LOXL2: variants seen among roughly 807,000 people sequenced by gnomAD.
LOXL2 encodes lysyl oxidase like 2.
A neutral mutation model predicts 93.0 loss-of-function variants in LOXL2; 70 were observed. The observed-to-expected ratio is 0.75, with a 90% confidence interval of 0.62 to 0.92. The LOEUF (loss-of-function observed/expected upper bound fraction) is 0.92, where lower values mean the gene tolerates loss of function less well. Among genes scored for constraint, LOXL2 ranks in the 40% least tolerant of loss-of-function variants. The pLI, the probability that LOXL2 is intolerant of heterozygous loss-of-function variation, is 0.00. For missense variants in LOXL2, 973 were observed against 1,054.9 expected, an observed-to-expected ratio of 0.92 and a Z score of 1.08; for synonymous variants, 438 against 413.2, an observed-to-expected ratio of 1.06 and a Z score of -0.73.
At chr8:23,345,067 A>C (rs570389994) in intron 3 of LOXL2, among the ~76,000 whole-genome samples, 2 of 152,190 alleles carry the variant, frequency 1.3e-5, no homozygotes, top group Non-Finnish European at 2.9e-5. Flanking sequence ...AAAACTTTAC[A>C]TCCACTCCAT....
chr8:23,373,266 T>C (rs1361659118), intron 1 of LOXL2, among the ~76,000 whole-genome samples: 2 of 152,166 alleles, frequency 1.3e-5, no homozygotes, highest in Non-Finnish European at 2.9e-5. Flanking sequence ...CTACAAGGTA[T>C]CAATGATTGT....
At chr8:23,365,923 T>C (rs1804392533) in intron 2 of LOXL2, 1 of 152,266 alleles carries the variant, frequency 6.6e-6, no homozygotes, top group Admixed American at 6.5e-5. Flanking sequence ...ACCATGAGTT[T>C]AATCCTTCCC....
At chr8:23,312,941 C>T (rs533489807) in intron 9 of LOXL2, among the ~76,000 whole-genome samples, 2 of 143,032 alleles carry the variant, frequency 1.4e-5, no homozygotes, top group East Asian at 4.0e-4. Flanking sequence ...TGATAAGCAA[C>T]TTCAGCAAAG....
chr8:23,371,523 C>T (rs11777180), intron 1 of LOXL2, among the ~76,000 whole-genome samples: 107,339 of 151,556 alleles, frequency 0.71, 38,350 homozygotes, highest in African/African-American at 0.79. Context: ...GAGGCTGAGG[C>T]GGGCGGATCA....
At chr8:23,366,087 T>C (rs1804395942) in intron 2 of LOXL2, 1 of 152,174 alleles carries the variant, frequency 6.6e-6, no homozygotes, top group South Asian at 2.1e-4. Flanking sequence ...GTGTTTTAAA[T>C]TGAGGTTGAA....
At chr8:23,339,486 G>A (rs73545990) in intron 4 of LOXL2, among the ~76,000 whole-genome samples, 2 of 152,220 alleles carry the variant, frequency 1.3e-5, no homozygotes, top group South Asian at 4.1e-4. Flanking sequence ...ACTGGCCTGA[G>A]ATCAACTCCT....
intron 4 of LOXL2, among the ~76,000 whole-genome samples, chr8:23,334,436 A>G (rs1004863235): frequency 1.3e-5 from 2 of 152,250 alleles, no homozygotes; most frequent in Admixed American, 1.3e-4. Context: ...TTGTATTTCC[A>G]ATGAGAAACA....
At position 23,297,542 on chromosome 8, in the gene LOXL2, A is replaced by G. The variant is rs1803053907; in HGVS notation, c.*501T>C. On this transcript the variant is annotated 3_prime_UTR_variant, in exon 14 of 14. Transcript: ENST00000389131. ...GTGGCACCATTATCTATGTGACTAT[A>G]ATAGACTGGAGGGTTTCATTGGAAG... The G allele has an allele frequency of 6.5e-6, 1 of 154,516 alleles. No homozygotes were observed. Among genetic ancestry groups the G allele is most frequent in the Non-Finnish European group, 1.4e-5 (1 of 69,616 alleles). 9.6% of individuals were successfully genotyped at this position (154,516 alleles called of 1,614,324 possible). A position where few individuals can be genotyped will look rare whatever the true frequency, so the allele number is the denominator to read the frequency against.
At chr8:23,325,822 G>C (rs1376828080) in intron 6 of LOXL2, among the ~76,000 whole-genome samples, 1 of 152,184 alleles carries the variant, frequency 6.6e-6, no homozygotes, top group African/African-American at 2.4e-5. Flanking sequence ...TTGGGGTCCC[G>C]ATGCGGGCAG....
At position 23,341,102 on chromosome 8, in the gene LOXL2, G is replaced by T. The variant is rs752574555; in HGVS notation, c.633C>A (p.Gly211=). The T allele has an allele frequency of 5.0e-6, 8 of 1,613,906 alleles. No homozygotes were observed. The highest frequency in any genetic ancestry group is 1.7e-6 in the Non-Finnish European group (2 of 1,180,012). Residue 211 remains glycine (G), a synonymous_variant, in exon 4 of 14, where the codon GGC becomes GGA. Coordinates refer to ENST00000389131, the MANE Select transcript of LOXL2 (RefSeq NM_002318.3). ...VMEGYVEVKE[G]KTWKQICDKH... is the part of the protein sequence containing the mutation. ...TGTCACAGATCTGCTTCCAGGTCTT[G>T]CCCTCCTTCACCTCCACGTAGCCCT... is the stretch of plus-strand genomic sequence containing the variant.
At chr8:23,323,766 A>C (rs528563820) in intron 6 of LOXL2, among the ~76,000 whole-genome samples, 28 of 152,168 alleles carry the variant, frequency 1.8e-4, no homozygotes, top group African/African-American at 6.0e-4. Context: ...CAGTGACGCC[A>C]TCTCGGCTCA....
At chr8:23,388,667 A>T (rs1804800244) in intron 1 of LOXL2, among the ~76,000 whole-genome samples, 1 of 124,692 alleles carries the variant, frequency 8.0e-6, no homozygotes, top group African/African-American at 2.9e-5. Flanking sequence ...ACACACACAC[A>T]CACTAGAAAT....
intron 3 of LOXL2, 57 bp downstream of exon 3, chr8:23,360,033 T>C (rs1436799438): frequency 2.0e-6 from 3 of 1,505,916 alleles, no homozygotes; most frequent in Non-Finnish European, 2.7e-6. Flanking sequence ...AAAAAGCGAG[T>C]TGCATGGAAG....
chr8:23,397,727 G>A (rs1186992557), intron 1 of LOXL2, among the ~76,000 whole-genome samples: 2 of 149,388 alleles, frequency 1.3e-5, no homozygotes, highest in Non-Finnish European at 3.0e-5. Flanking sequence ...GCAGTGAGCC[G>A]AGATCGCGCC....
At chr8:23,358,000 T>A (rs1001522310) in intron 3 of LOXL2, among the ~76,000 whole-genome samples, 1 of 152,234 alleles carries the variant, frequency 6.6e-6, no homozygotes, top group Non-Finnish European at 1.5e-5. Flanking sequence ...ACATAAGATA[T>A]AGCCCCTGCC....
chr8:23,373,841 T>C (rs919596751), intron 1 of LOXL2, among the ~76,000 whole-genome samples: 3 of 151,514 alleles, frequency 2.0e-5, no homozygotes, highest in African/African-American at 7.3e-5. Context: ...AGCCTGGCAC[T>C]GTCTCTCTCC....
chr8:23,359,288 C>G (rs943897447), intron 3 of LOXL2, among the ~76,000 whole-genome samples: 1 of 152,230 alleles, frequency 6.6e-6, no homozygotes, highest in Non-Finnish European at 1.5e-5. Flanking sequence ...CAGAGTTAGT[C>G]TGTGTGATCC....
At chr8:23,335,123 G>T (rs577514533) in intron 4 of LOXL2, among the ~76,000 whole-genome samples, 1 of 152,266 alleles carries the variant, frequency 6.6e-6, no homozygotes, top group African/African-American at 2.4e-5. Flanking sequence ...CCATAAATCT[G>T]TATTTGGAGG....
chr8:23,303,192 T>C (rs969743446), intron 11 of LOXL2, 90 bp downstream of exon 11: 14 of 816,218 alleles, frequency 1.7e-5, no homozygotes, highest in Non-Finnish European at 2.6e-5. Context: ...ACAGGGTCAG[T>C]GCCAGGCCTG....
Sources: gnomAD v4.1 joint callset for allele counts (sites outside exome capture counted in the v4.1 genomes callset) on GRCh38, gnomAD v4.1.1 for gene constraint, MANE v1.5 for transcripts, NCBI Gene and HGNC (gene_info 2026-07-23, HGNC 2026-07-21) for gene names.